DNAJC3: variants seen among roughly 807,000 people sequenced by gnomAD.
The protein encoded by DNAJC3 is DnaJ heat shock protein family (Hsp40) member C3.
Under a neutral mutation model 68.6 loss-of-function variants are expected in DNAJC3, and 38 were observed. The ratio of observed to expected loss-of-function variants is 0.55; its 90% CI spans 0.43 to 0.73. DNAJC3 has a LOEUF of 0.73. Among genes scored for constraint, DNAJC3 ranks in the 30% least tolerant of loss-of-function variants. DNAJC3 has a pLI of 0.00. For synonymous variants in DNAJC3, 203 were observed against 204.0 expected (o/e 1.00, Z 0.04); for missense variants, 526 against 591.9 (o/e 0.89, Z 1.16).
chr13:95,762,732 A>G (rs1264333064), intron 7 of DNAJC3, among the ~76,000 whole-genome samples: 1 of 152,144 alleles, frequency 6.6e-6, no homozygotes, highest in Non-Finnish European at 1.5e-5. Context: ...TAAGCCCCAC[A>G]TGCATTAGCT....
chr13:95,758,503 G>A (rs542778265), intron 5 of DNAJC3, among the ~76,000 whole-genome samples: 1 of 151,612 alleles, frequency 6.6e-6, no homozygotes, highest in Non-Finnish European at 1.5e-5. Context: ...GCTGGGTGTG[G>A]TGTGCATGCT....
chr13:95,739,215 T>C (rs1339779420), intron 4 of DNAJC3, among the ~76,000 whole-genome samples: 1 of 152,206 alleles, frequency 6.6e-6, no homozygotes, highest in African/African-American at 2.4e-5. Context: ...ATGGGCTTCC[T>C]TTTGAGGGTA....
intron 4 of DNAJC3, among the ~76,000 whole-genome samples, chr13:95,726,462 A>G (rs1221910571): frequency 6.6e-6 from 1 of 152,182 alleles, no homozygotes; most frequent in African/African-American, 2.4e-5. Context: ...TTTTGGCTGC[A>G]TAAATGTCTT....
chr13:95,781,403 G>A (rs1817988323), intron 9 of DNAJC3, among the ~76,000 whole-genome samples: 1 of 152,044 alleles, frequency 6.6e-6, no homozygotes, highest in Non-Finnish European at 1.5e-5. Context: ...ATCTGCTAGG[G>A]CCTCTTATAG....
chr13:95,695,443 C>T (rs1277824634), intron 1 of DNAJC3: 1 of 152,216 alleles, frequency 6.6e-6, no homozygotes. Flanking sequence ...AGAAGGTGTA[C>T]TGGCCCTTCT....
At chr13:95,788,901 C>T (rs1352761051) in intron 11 of DNAJC3, among the ~76,000 whole-genome samples, 3 of 152,304 alleles carry the variant, frequency 2.0e-5, no homozygotes, top group South Asian at 2.1e-4. Flanking sequence ...AGATCACCTA[C>T]AATACCCGCT....
chr13:95,722,884 G>C lies in DNAJC3; in HGVS notation c.194-358G>C, dbSNP rs111454720. 1.1e-3 allele frequency among the ~76,000 whole-genome samples: 149 copies of C among 138,376 alleles called. 1 individual carries two copies. The highest frequency in any genetic ancestry group is 3.9e-3 in the African/African-American group (143 of 37,074). 90.8% of individuals were successfully genotyped at this position (138,376 alleles called of 152,430 possible). ...TGAATATAGTTAATATTCTAGACCA[G>C]GGGTTTGCGAACTTTTTTTCTAAAG... On this transcript the variant is annotated intron_variant, in intron 2 of 11. Transcript: ENST00000602402.
At chr13:95,753,550 A>G (rs1158912074) in intron 4 of DNAJC3, among the ~76,000 whole-genome samples, 2 of 152,232 alleles carry the variant, frequency 1.3e-5, no homozygotes, top group Non-Finnish European at 2.9e-5. Context: ...AATTAGAAAT[A>G]TTAATTTCTT....
chr13:95,789,654 C>A (rs1194170267), intron 11 of DNAJC3, among the ~76,000 whole-genome samples: 1 of 152,132 alleles, frequency 6.6e-6, no homozygotes, highest in Non-Finnish European at 1.5e-5. Flanking sequence ...AATTTATATT[C>A]TTTTGGGTGT....
intron 2 of DNAJC3, among the ~76,000 whole-genome samples, chr13:95,712,755 G>A (rs1459647967): frequency 6.6e-6 from 1 of 152,146 alleles, no homozygotes; most frequent in Non-Finnish European, 1.5e-5. Context: ...TTGTGTTGGT[G>A]TTGATTCTTT....
intron 10 of DNAJC3, among the ~76,000 whole-genome samples, chr13:95,786,333 A>C (rs1883601229): frequency 2.6e-5 from 4 of 152,122 alleles, no homozygotes; most frequent in Admixed American, 1.3e-4. Flanking sequence ...TCCTAAGCCT[A>C]GATTTTTTAA....
chr13:95,738,598 G>T (rs567515483), intron 4 of DNAJC3, among the ~76,000 whole-genome samples: 1 of 152,156 alleles, frequency 6.6e-6, no homozygotes, highest in African/African-American at 2.4e-5. Flanking sequence ...TGTCTCTTTT[G>T]ATCTTTGTTG....
chr13:95,734,450 T>G (rs970985095), intron 4 of DNAJC3, among the ~76,000 whole-genome samples: 31 of 152,326 alleles, frequency 2.0e-4, no homozygotes, highest in Admixed American at 2.0e-3. Context: ...TTCAGAACTT[T>G]CTCCTAGTTT....
At chr13:95,786,732 A>G (rs1883612939) in intron 10 of DNAJC3, among the ~76,000 whole-genome samples, 1 of 152,220 alleles carries the variant, frequency 6.6e-6, no homozygotes, top group Admixed American at 6.5e-5. Context: ...TAAAAAATTC[A>G]TTGATGTACC....
At chr13:95,682,549 A>G (rs990786862) in intron 1 of DNAJC3, among the ~76,000 whole-genome samples, 1 of 152,282 alleles carries the variant, frequency 6.6e-6, no homozygotes, top group East Asian at 1.9e-4. Flanking sequence ...AGTGAAAGAC[A>G]TAGTTGGCTA....
intron 1 of DNAJC3, among the ~76,000 whole-genome samples, chr13:95,682,112 A>G (rs1879930030): frequency 6.6e-6 from 1 of 152,208 alleles, no homozygotes; most frequent in Non-Finnish European, 1.5e-5. Context: ...TTCAACCTGA[A>G]TTTTGGAGAG....
chr13:95,746,596 T>C (rs1421235081), intron 4 of DNAJC3, among the ~76,000 whole-genome samples: 1 of 152,228 alleles, frequency 6.6e-6, no homozygotes, highest in Non-Finnish European at 1.5e-5. Context: ...TACAGGATTC[T>C]TATACTTTAA....
rs1387866120 is a variant in DNAJC3, at chr13:95,703,414, A to G, written c.83-5813A>G. On this transcript the variant is annotated intron_variant, in intron 1 of 11. Transcript: ENST00000602402. ...CAGTGACAGGAAGCATACACAAAAAAGTGGCACCAAATGCACAGTGGAAAG... is the reference window on the plus strand; with the variant it reads ...CAGTGACAGGAAGCATACACAAAAAGGTGGCACCAAATGCACAGTGGAAAG... 2.6e-5 allele frequency among the ~76,000 whole-genome samples: 4 copies of G among 152,252 alleles called. No individual in the cohort carries two copies. In the East Asian group the frequency reaches 7.7e-4, roughly 29 times the overall value.
chr13:95,715,790 C>T (rs1056532099), intron 2 of DNAJC3, among the ~76,000 whole-genome samples: 4 of 151,872 alleles, frequency 2.6e-5, no homozygotes, highest in Non-Finnish European at 5.9e-5. Context: ...CCCAGCCACA[C>T]ATCATGATTT....
Sources: allele counts gnomAD v4.1 joint callset (sites outside exome capture counted in the v4.1 genomes callset), GRCh38; gene constraint gnomAD v4.1.1; transcripts MANE v1.5; gene names NCBI Gene and HGNC (gene_info 2026-07-23, HGNC 2026-07-21).